CAMKK1: variants seen among roughly 807,000 people sequenced by gnomAD.
CAMKK1 encodes calcium/calmodulin-dependent protein kinase kinase 1.
A neutral mutation model predicts 63.5 loss-of-function variants in CAMKK1; 20 were observed. The observed-to-expected ratio is 0.32, with a 90% CI of 0.22 to 0.46. The LOEUF is 0.46. CAMKK1 is among the 20% of genes least tolerant of loss of function. CAMKK1 has a pLI of 1.00. For synonymous variants in CAMKK1, 253 were observed against 269.0 expected, an observed-to-expected ratio of 0.94 and a Z score of 0.58; for missense variants, 588 against 658.1, an observed-to-expected ratio of 0.89 and a Z score of 1.17.
chr17:3,883,141 C>CGGA lies in CAMKK1; in HGVS notation c.548_549insTCC (p.Gln183delinsHisPro). The CGGA allele has an allele frequency of 6.2e-7, 1 of 1,612,562 alleles. No homozygotes were observed. The highest frequency in any genetic ancestry group is 8.5e-7 in the Non-Finnish European group (1 of 1,179,988). ...GCAGCAGCTGCTTGGCTGGTCCTCC[C>CGGA]TGGGCAGCCTGGGACCCTCTCGGGG... On this transcript the variant is annotated protein_altering_variant, in exon 6 of 16. Coordinates refer to ENST00000348335, the MANE Select transcript of CAMKK1 (RefSeq NM_032294.3). The surrounding 1 kb of genome is among the most constrained non-coding windows in gnomAD (Gnocchi z 4.7).
intron 9 of CAMKK1, among the ~76,000 whole-genome samples, chr17:3,878,175 A>G (rs1397915638): frequency 6.6e-6 from 1 of 151,878 alleles, no homozygotes; most frequent in Non-Finnish European, 1.5e-5. Flanking sequence ...ACCTGCCCCC[A>G]TCAACTGAGA....
Position 3,869,557 on chromosome 17 carries a change from C to T in CAMKK1, c.1271G>A (p.Cys424Tyr). Residue 424 changes from cysteine to tyrosine, a missense_variant, in exon 14 of 16, where the codon TGC (cysteine) becomes TAC (tyrosine). Cys to Tyr is a radical substitution (Grantham distance 194). Transcript: ENST00000348335. Reference sequence around the variant, plus strand: ...CTCCTCTGTCACCTCCACCACGCTGCAGTGCTCCTCCTCCGAAGGAAGGGG... The same window carrying T: ...CTCCTCTGTCACCTCCACCACGCTGTAGTGCTCCTCCTCCGAAGGAAGGGG... ...EEPLPSEEEH[C>Y]SVVEVTEEEV... The T allele has an allele frequency of 6.2e-7, 1 of 1,614,242 alleles. No homozygotes were observed. Among genetic ancestry groups the T allele is most frequent in the Non-Finnish European group, 8.5e-7 (1 of 1,180,042 alleles).
chr17:3,887,907 C>T lies in CAMKK1; in HGVS notation c.-43-2177G>A, dbSNP rs906517323. On this transcript the variant is annotated intron_variant, in intron 1 of 15. Transcript: ENST00000348335. This position sits in a 1 kb window ranked among gnomAD's most constrained non-coding sequence, Gnocchi z 6.1. ...ACTCCGCATGCCTTGTTTTTCCCTCCCGAATGTAAGTTTCATGAGATTAGG... is the reference window on the plus strand; with the variant it reads ...ACTCCGCATGCCTTGTTTTTCCCTCTCGAATGTAAGTTTCATGAGATTAGG... 4.6e-5 allele frequency among the ~76,000 whole-genome samples: 7 copies of T among 152,200 alleles called. No homozygotes were observed. In the South Asian group the frequency reaches 6.2e-4, roughly 13 times the overall value.
In CAMKK1 at chr17:3,865,396, G is replaced by A. The variant is rs1471213675; in HGVS notation, c.1445+512C>T. ...AGTGCTGACTGGGCACAGAGCCCCAGCAATGGCTGCAGGCAGCCTGGGCCA... is the reference window on the plus strand; with the variant it reads ...AGTGCTGACTGGGCACAGAGCCCCAACAATGGCTGCAGGCAGCCTGGGCCA... On this transcript the variant is annotated intron_variant, in intron 15 of 15. Coordinates refer to ENST00000348335, the MANE Select transcript of CAMKK1 (RefSeq NM_032294.3). 1.3e-5 allele frequency: 13 copies of A among 991,262 alleles called. No individual in the cohort carries two copies. In the East Asian group the frequency reaches 1.2e-3, roughly 92 times the overall value. The allele number at this position is 991,262 out of a possible 1,614,324, so 61.4% of individuals were successfully genotyped here.
At position 3,861,764 on chromosome 17, in the gene CAMKK1, C is replaced by A. The variant is rs187794395; in HGVS notation, c.*447G>T. 1.6e-5 allele frequency: 3 copies of A among 191,648 alleles called. No homozygotes were observed. Among genetic ancestry groups the A allele is most frequent in the Non-Finnish European group, 3.3e-5 (3 of 91,328 alleles). 11.9% of individuals were successfully genotyped at this position (191,648 alleles called of 1,614,324 possible). ...CCACCACCCCAAGGTGGGCAGGGTA[C>A]CCCCCTCTCCACCATATGCCTGTGG... is the stretch of plus-strand genomic sequence containing the variant. On this transcript the variant is annotated 3_prime_UTR_variant, in exon 16 of 16. Coordinates refer to ENST00000348335, the MANE Select transcript of CAMKK1 (RefSeq NM_032294.3).
Position 3,873,518 on chromosome 17 carries a change from C to T in CAMKK1, c.997-56G>A, listed in dbSNP as rs1597461124. ...AACAGGCACAGCCACCTCTGCCCAC[C>T]CAGCTCCAGCGGGCTGCAGGAGAGG... On this transcript the variant is annotated intron_variant, in intron 10 of 15. Transcript: ENST00000348335. 7 of 1,571,196 alleles carry T rather than the reference C, an allele frequency of 4.5e-6. No individual in the cohort carries two copies. In the South Asian group the frequency reaches 7.8e-5, roughly 17 times the overall value.
At chr17:3,872,841 C>T (rs547671956) in intron 11 of CAMKK1, among the ~76,000 whole-genome samples, 4 of 152,300 alleles carry the variant, frequency 2.6e-5, no homozygotes, top group Non-Finnish European at 4.4e-5. Flanking sequence ...CATCCACCGC[C>T]GTTACTGCCA....
chr17:3,880,524 C>T (rs1015736558), intron 8 of CAMKK1, 90 bp from the exon 9 acceptor site: 19 of 896,994 alleles, frequency 2.1e-5, no homozygotes, highest in Non-Finnish European at 3.1e-5. Flanking sequence ...AACCTGTGCC[C>T]ACATGAGTCC....
In CAMKK1 at chr17:3,889,643, C is replaced by T. The variant is rs575823472; in HGVS notation, c.-44+3296G>A. Reference sequence around the variant, plus strand: ...GCTGGGATGTGGCTGTGTCTAGAAGCGTCCAAGAGAGCCTTGATGTGCAAG... The same window carrying T: ...GCTGGGATGTGGCTGTGTCTAGAAGTGTCCAAGAGAGCCTTGATGTGCAAG... On this transcript the variant is annotated intron_variant, in intron 1 of 15. Transcript: ENST00000348335. The surrounding 1 kb of genome is among the most constrained non-coding windows in gnomAD (Gnocchi z 5.2). 5.9e-5 allele frequency among the ~76,000 whole-genome samples: 9 copies of T among 152,214 alleles called. No homozygotes were observed. In the South Asian group the frequency reaches 1.4e-3, roughly 25 times the overall value.
chr17:3,869,320 A>G (rs1170933242), intron 14 of CAMKK1, among the ~76,000 whole-genome samples, 167 bp downstream of exon 14: 1 of 152,126 alleles, frequency 6.6e-6, no homozygotes, highest in African/African-American at 2.4e-5. Context: ...TCCCGACCAC[A>G]AGACCTCCCT....
rs1470417816 is a variant in CAMKK1, at chr17:3,881,698, G to A, written c.686-50C>T. The A allele has an allele frequency of 1.1e-5, 17 of 1,527,632 alleles. 1 individual carries two copies. Among genetic ancestry groups the A allele is most frequent in the Middle Eastern group, 1.7e-4 (1 of 5,988 alleles). 94.6% of individuals were successfully genotyped at this position (1,527,632 alleles called of 1,614,324 possible). A position where few individuals can be genotyped will look rare whatever the true frequency, so the allele number is the denominator to read the frequency against. The stretch of plus-strand genomic sequence containing the variant: ...GGTGTAGCTGGCTGGCAAAGCAGCC[G>A]ATGCCAAGGTCCCTCCCTGTTCTGG... On this transcript the variant is annotated intron_variant, in intron 7 of 15. Transcript: ENST00000348335.
chr17:3,875,298 T>C (rs2055096115), intron 10 of CAMKK1, among the ~76,000 whole-genome samples: 1 of 152,204 alleles, frequency 6.6e-6, no homozygotes, highest in Non-Finnish European at 1.5e-5. Context: ...AACGTCTTTC[T>C]TTCTTTCTTC....
intron 9 of CAMKK1, among the ~76,000 whole-genome samples, chr17:3,876,939 G>A (rs1441321761): frequency 6.6e-6 from 1 of 151,948 alleles, no homozygotes; most frequent in African/African-American, 2.4e-5. Flanking sequence ...TGTATTTTTA[G>A]TAGAGACAGG....
At chr17:3,885,829 C>A in intron 1 of CAMKK1, 99 bp from the exon 2 acceptor site, 1 of 1,216,512 alleles carries the variant, frequency 8.2e-7, no homozygotes, top group Non-Finnish European at 1.1e-6. Flanking sequence ...ATGCCTTTGC[C>A]CTGGCTGTTC....
At position 3,885,390 on chromosome 17, in the gene CAMKK1, A is replaced by G. The variant is rs1395835406; in HGVS notation, c.298T>C (p.Ser100Pro). The G allele has an allele frequency of 6.2e-7, 1 of 1,610,680 alleles. No individual in the cohort carries two copies. The highest frequency in any genetic ancestry group is 1.7e-5 in the Admixed American group (1 of 59,864). Residue 100 changes from serine (S) to proline (P), a missense_variant, in exon 2 of 16, where the codon TCC becomes CCC. Around this residue, in one of 3 missense-constraint regions of CAMKK1, gnomAD observed 357 missense variants for 407.4 expected, o/e 0.88. Coordinates refer to ENST00000348335, the MANE Select transcript of CAMKK1 (RefSeq NM_032294.3). ...PYATGPASHI[S>P]PRAWRRPTIE... ...GTGGGCCTCCGCCAGGCCCGGGGGG[A>G]GATGTGGCTGGCAGGCCCCGTGGCA...
chr17:3,870,427 G>C (rs748803056), intron 12 of CAMKK1, among the ~76,000 whole-genome samples: 1 of 151,514 alleles, frequency 6.6e-6, no homozygotes, highest in South Asian at 2.1e-4. Flanking sequence ...GTGCAGTGGC[G>C]CAATCTCGGC....
chr17:3,881,508 C>A, intron 8 of CAMKK1, 119 bp downstream of exon 8: 1 of 948,848 alleles, frequency 1.1e-6, no homozygotes, highest in East Asian at 2.7e-5. Flanking sequence ...CCCCTAAGGG[C>A]AGGGCCTCCG....
intron 1 of CAMKK1, among the ~76,000 whole-genome samples, chr17:3,886,677 A>G (rs1470721176): frequency 6.6e-6 from 1 of 152,104 alleles, no homozygotes; most frequent in Non-Finnish European, 1.5e-5. Context: ...GGGGTGAAAC[A>G]GGGGCATGAC....
rs903788048 is a variant in CAMKK1, at chr17:3,861,011, G to C, written c.*1200C>G. The C allele has an allele frequency of 6.6e-6, 1 of 152,246 alleles. No individual in the cohort carries two copies. Among genetic ancestry groups the C allele is most frequent in the African/African-American group, 2.4e-5 (1 of 41,440 alleles). The allele number at this position is 152,246 out of a possible 1,614,324, so 9.4% of individuals were successfully genotyped here. On this transcript the variant is annotated 3_prime_UTR_variant, in exon 16 of 16. Coordinates refer to ENST00000348335, the MANE Select transcript of CAMKK1 (RefSeq NM_032294.3). ...GCATTCGGTCAGCAAATGCCACGTC[G>C]GCCAGCCGGACACTGATCCCAGAGA...
Sources: gnomAD v4.1 joint callset for allele counts (sites outside exome capture counted in the v4.1 genomes callset) on GRCh38, gnomAD v4.1.1 for gene constraint, gnomAD v4.1.1 regional missense constraint, Gnocchi (gnomAD v3.1) non-coding constraint, MANE v1.5 for transcripts, NCBI Gene and HGNC (gene_info 2026-07-23, HGNC 2026-07-21) for gene names.